Variants in LRP1B observed in about 807,000 individuals in gnomAD.
LRP1B encodes LDL receptor related protein 1B.
LRP1B carries 217 observed loss-of-function variants against 556.6 expected under a neutral mutation model. The ratio of observed to expected loss-of-function variants is 0.39; its 90% CI spans 0.35 to 0.44. The LOEUF is 0.44. Ranked by LOEUF, LRP1B falls within the 20% of genes least tolerant of loss-of-function variation. LRP1B has a pLI of 1.00. For missense variants in LRP1B, 5,053 were observed against 5,620.8 expected (o/e 0.90, Z 3.23); for synonymous variants, 2,047 against 1,865.8 (o/e 1.10, Z -2.50).
intron 3 of LRP1B, among the ~76,000 whole-genome samples, chr2:141,422,633 G>A (rs1573928123): frequency 6.6e-6 from 1 of 152,058 alleles, no homozygotes; most frequent in South Asian, 2.1e-4. Context: ...TAACTTTTAA[G>A]TTCATCCTTA....
chr2:141,756,449 G>T (rs899292068), intron 2 of LRP1B, among the ~76,000 whole-genome samples: 3 of 151,644 alleles, frequency 2.0e-5, no homozygotes, highest in Admixed American at 6.6e-5. Flanking sequence ...TGAGGGTTAA[G>T]TTTCAATTTA....
At chr2:141,326,519 T>C (rs1393120439) in intron 3 of LRP1B, among the ~76,000 whole-genome samples, 1 of 152,244 alleles carries the variant, frequency 6.6e-6, no homozygotes, top group East Asian at 1.9e-4. Flanking sequence ...GGGGTGTGTA[T>C]TTTTGTGGGG....
At chr2:142,054,991 G>A (rs751521910) in intron 1 of LRP1B, among the ~76,000 whole-genome samples, 43 of 152,260 alleles carry the variant, frequency 2.8e-4, no homozygotes, top group Non-Finnish European at 4.4e-4. Flanking sequence ...GTGAGCCATA[G>A]AGAAAAGCTC....
chr2:141,306,591 G>A (rs113773310), intron 3 of LRP1B, among the ~76,000 whole-genome samples: 3,416 of 151,886 alleles, frequency 0.022, 70 homozygotes, highest in Non-Finnish European at 0.036. Flanking sequence ...CTTTCACTTT[G>A]TAGACAGTTT....
intron 28 of LRP1B, among the ~76,000 whole-genome samples, chr2:140,850,654 T>C (rs532331559): frequency 5.6e-4 from 85 of 152,320 alleles, no homozygotes; most frequent in African/African-American, 1.9e-3. Flanking sequence ...ATTTGTACTT[T>C]GTACGTAATT....
At chr2:140,752,494 T>C (rs989542174) in intron 35 of LRP1B, among the ~76,000 whole-genome samples, 2 of 151,920 alleles carry the variant, frequency 1.3e-5, no homozygotes, top group Non-Finnish European at 2.9e-5. Context: ...CCAGCTAATT[T>C]TTGTATTTTT....
chr2:141,090,364 A>G (rs892670901), intron 7 of LRP1B, among the ~76,000 whole-genome samples: 3 of 152,306 alleles, frequency 2.0e-5, no homozygotes, highest in African/African-American at 7.2e-5. Context: ...GTATTGAAAA[A>G]CTTCTGTAAG....
intron 1 of LRP1B, among the ~76,000 whole-genome samples, chr2:142,091,507 T>C (rs1323293472): frequency 6.6e-6 from 1 of 152,154 alleles, no homozygotes; most frequent in Non-Finnish European, 1.5e-5. Context: ...TGCTCAGGTA[T>C]TATGGAAAGA....
chr2:140,351,622 T>G (rs1573831551), intron 76 of LRP1B, among the ~76,000 whole-genome samples: 1 of 152,094 alleles, frequency 6.6e-6, no homozygotes, highest in African/African-American at 2.4e-5. Context: ...TCTAAAGTTT[T>G]GACACCTACA....
intron 34 of LRP1B, among the ~76,000 whole-genome samples, chr2:140,770,326 C>T (rs189550067): frequency 7.2e-5 from 11 of 151,800 alleles, no homozygotes; most frequent in African/African-American, 2.7e-4. Flanking sequence ...ACATTTTTAA[C>T]GATAAAAATT....
At chr2:140,554,527 T>G (rs1415514829) in intron 43 of LRP1B, among the ~76,000 whole-genome samples, 1 of 152,086 alleles carries the variant, frequency 6.6e-6, no homozygotes, top group Non-Finnish European at 1.5e-5. Context: ...AACAGTGTTT[T>G]TCTTTGGGAA....
chr2:142,130,632 G>T lies in LRP1B; in HGVS notation c.82+16C>A, dbSNP rs1406299740. 1 of 1,599,884 alleles carries T rather than the reference G, an allele frequency of 6.3e-7. No homozygotes were observed. Among genetic ancestry groups the T allele is most frequent in the Non-Finnish European group, 8.5e-7 (1 of 1,170,946 alleles). ...AAGGAAGTCAGGGGAGGGGAGCGGG[G>T]AGGTGTTCTCCTTACCTCGGTCGGC... On this transcript the variant is annotated intron_variant, in intron 1 of 90. Transcript: ENST00000389484.
chr2:142,030,622 T>C (rs1357440144), intron 1 of LRP1B, among the ~76,000 whole-genome samples: 1 of 151,860 alleles, frequency 6.6e-6, no homozygotes, highest in Non-Finnish European at 1.5e-5. Flanking sequence ...TCAGAGCACA[T>C]ATTAAAACCA....
At chr2:140,251,768 C>T (rs1055207336) in intron 86 of LRP1B, among the ~76,000 whole-genome samples, 9 of 151,230 alleles carry the variant, frequency 6.0e-5, no homozygotes, top group African/African-American at 2.2e-4. Flanking sequence ...GTCTCAGTGC[C>T]CTTAAAATCT....
chr2:140,608,481 A>G (rs1358386961), intron 41 of LRP1B, among the ~76,000 whole-genome samples: 3 of 152,202 alleles, frequency 2.0e-5, no homozygotes. Flanking sequence ...AACCCTTTCA[A>G]AGGGCTTAAA....
At chr2:141,501,686 C>A (rs1018610056) in intron 2 of LRP1B, among the ~76,000 whole-genome samples, 1 of 152,066 alleles carries the variant, frequency 6.6e-6, no homozygotes, top group African/African-American at 2.4e-5. Flanking sequence ...TAATTAACAA[C>A]CATATGGGAT....
chr2:141,598,573 T>G (rs1303372399), intron 2 of LRP1B, among the ~76,000 whole-genome samples: 4 of 152,170 alleles, frequency 2.6e-5, no homozygotes, highest in Admixed American at 2.6e-4. Context: ...GTCTTCCATC[T>G]AATCTTTCAA....
At chr2:141,650,245 T>G (rs898307807) in intron 2 of LRP1B, among the ~76,000 whole-genome samples, 9 of 152,188 alleles carry the variant, frequency 5.9e-5, no homozygotes, top group African/African-American at 1.9e-4. Context: ...TCCCTTTCAC[T>G]CTAAGTTGAG....
intron 2 of LRP1B, among the ~76,000 whole-genome samples, chr2:141,741,232 C>A (rs982326148): frequency 3.2e-5 from 4 of 123,782 alleles, no homozygotes; most frequent in Non-Finnish European, 3.2e-5. Context: ...TAAACACAGG[C>A]GTGCAGTTAT....
Sources: allele counts gnomAD v4.1 joint callset (sites outside exome capture counted in the v4.1 genomes callset), GRCh38; gene constraint gnomAD v4.1.1; transcripts MANE v1.5; gene names NCBI Gene and HGNC (gene_info 2026-07-23, HGNC 2026-07-21).